Variants in PRKD1 observed in about 807,000 individuals in gnomAD.
PRKD1 encodes protein kinase D1.
PRKD1 carries 63 observed loss-of-function variants against 95.9 expected under a neutral mutation model. That is an observed-to-expected ratio of 0.66 (90% confidence interval 0.54 to 0.81). The LOEUF is 0.81. Among genes scored for constraint, PRKD1 ranks in the 30% least tolerant of loss-of-function variants. The probability of loss-of-function intolerance (pLI) is 0.00; values close to 1 mark genes in which losing one functional copy is unlikely to be tolerated. For missense variants in PRKD1, 1,048 were observed against 1,165.3 expected, an observed-to-expected ratio of 0.90 and a Z score of 1.47; for synonymous variants, 425 against 423.1, an observed-to-expected ratio of 1.00 and a Z score of -0.05.
chr14:29,679,948 GTAGA>G (rs1883445556), intron 2 of PRKD1, among the ~76,000 whole-genome samples: 1 of 152,038 alleles, frequency 6.6e-6, no homozygotes, highest in African/African-American at 2.4e-5. Flanking sequence ...AATTTCTTAG[GTAGA>G]AACACAGTGG....
intron 1 of PRKD1, among the ~76,000 whole-genome samples, chr14:29,830,271 C>A: frequency 6.6e-6 from 1 of 152,152 alleles, no homozygotes; most frequent in East Asian, 1.9e-4. Context: ...CAGTGTACTA[C>A]AAATTGTCCC....
At chr14:29,668,201 C>A (rs17115183) in intron 2 of PRKD1, among the ~76,000 whole-genome samples, 1 of 151,922 alleles carries the variant, frequency 6.6e-6, no homozygotes, top group Non-Finnish European at 1.5e-5. Flanking sequence ...ATGCATGCCA[C>A]CTCGCCTAAT....
At chr14:29,702,081 T>G (rs1594442070) in intron 2 of PRKD1, among the ~76,000 whole-genome samples, 1 of 152,184 alleles carries the variant, frequency 6.6e-6, no homozygotes, top group Non-Finnish European at 1.5e-5. Flanking sequence ...TCTAGAAATA[T>G]GGAATCGTCT....
chr14:29,705,972 G>T (rs1415278005), intron 2 of PRKD1, among the ~76,000 whole-genome samples: 3 of 151,904 alleles, frequency 2.0e-5, no homozygotes, highest in Admixed American at 6.6e-5. Context: ...AATTCTTTGG[G>T]GTATAAACCA....
intron 2 of PRKD1, among the ~76,000 whole-genome samples, chr14:29,666,808 T>C (rs769726910): frequency 9.2e-5 from 14 of 152,032 alleles, no homozygotes; most frequent in Non-Finnish European, 1.5e-4. Flanking sequence ...TTCACCAACA[T>C]GCCAAAGAGA....
chr14:29,710,233 A>G (rs750245158), intron 2 of PRKD1, among the ~76,000 whole-genome samples: 5 of 152,132 alleles, frequency 3.3e-5, no homozygotes, highest in Non-Finnish European at 7.4e-5. Flanking sequence ...TCTTCCCTGC[A>G]TTGAGGGTGA....
At chr14:29,759,809 G>A (rs541920420) in intron 1 of PRKD1, among the ~76,000 whole-genome samples, 1 of 152,262 alleles carries the variant, frequency 6.6e-6, no homozygotes, top group African/African-American at 2.4e-5. Flanking sequence ...ATCGTCAAAT[G>A]AAAACTCTCA....
At chr14:29,735,885 T>C (rs1271184794) in intron 1 of PRKD1, among the ~76,000 whole-genome samples, 2 of 152,174 alleles carry the variant, frequency 1.3e-5, no homozygotes, top group East Asian at 3.8e-4. Flanking sequence ...TATGTTTCTT[T>C]ATAAGGGTGG....
At chr14:29,639,640 T>TAAATA (rs199647132) in intron 4 of PRKD1, among the ~76,000 whole-genome samples, 38 of 147,886 alleles carry the variant, frequency 2.6e-4, no homozygotes, top group African/African-American at 8.0e-4. Flanking sequence ...AATAAATAAA[T>TAAATA]AATAAAAGAA....
At chr14:29,813,126 A>G (rs1350401353) in intron 1 of PRKD1, among the ~76,000 whole-genome samples, 2 of 152,132 alleles carry the variant, frequency 1.3e-5, no homozygotes, top group Non-Finnish European at 2.9e-5. Flanking sequence ...AACAACAACA[A>G]AAGACTTCTC....
chr14:29,797,496 T>A (rs1889867019), intron 1 of PRKD1, among the ~76,000 whole-genome samples: 1 of 152,236 alleles, frequency 6.6e-6, no homozygotes, highest in Non-Finnish European at 1.5e-5. Context: ...GTAAATATCA[T>A]CTGATCCTGC....
In PRKD1 at chr14:29,712,339, TC is replaced by T. The variant is rs45528738; in HGVS notation, c.403+13196del. Among the ~76,000 whole-genome samples the T allele has an allele frequency of 9.1e-3, 1,392 of 152,214 alleles. 20 individuals carry two copies. The highest frequency in any genetic ancestry group is 0.032 in the African/African-American group (1,341 of 41,536). ...CACAGCTCTACATGATCAGTTTTTC[TC>T]TGGATTAACAAGTTATAATGATCAG... On this transcript the variant is annotated intron_variant, in intron 2 of 17. Transcript: ENST00000331968.
chr14:29,581,718 G>A (rs1892761774), intron 16 of PRKD1, among the ~76,000 whole-genome samples: 1 of 152,238 alleles, frequency 6.6e-6, no homozygotes, highest in Admixed American at 6.5e-5. Context: ...GTGCTTGAAC[G>A]CAAGGATGTG....
intron 1 of PRKD1, among the ~76,000 whole-genome samples, chr14:29,846,168 T>C (rs1007192915): frequency 1.3e-4 from 20 of 152,210 alleles, no homozygotes; most frequent in Admixed American, 1.2e-3. Context: ...TTAGGCATTC[T>C]TCTAGGCCCT....
At position 29,721,061 on chromosome 14, in the gene PRKD1, G is replaced by T. The variant is rs1017120869; in HGVS notation, c.403+4475C>A. Among the ~76,000 whole-genome samples, 4 of 152,056 alleles carry T rather than the reference G, an allele frequency of 2.6e-5. No homozygotes were observed. In the South Asian group the frequency reaches 8.3e-4, roughly 32 times the overall value. ...CTCCTTCATCAACTACATCAAAATG[G>T]TTATTATGTTTGTTCACTTTTACTT... is the stretch of plus-strand genomic sequence containing the variant. On this transcript the variant is annotated intron_variant, in intron 2 of 17. Coordinates refer to ENST00000331968, the MANE Select transcript of PRKD1 (RefSeq NM_002742.3).
At chr14:29,840,050 C>T (rs1891770682) in intron 1 of PRKD1, among the ~76,000 whole-genome samples, 1 of 152,090 alleles carries the variant, frequency 6.6e-6, no homozygotes, top group African/African-American at 2.4e-5. Context: ...CTGCAGCCAC[C>T]TTGAATTTCT....
intron 4 of PRKD1, among the ~76,000 whole-genome samples, chr14:29,658,324 A>C (rs1882006987): frequency 6.6e-6 from 1 of 152,170 alleles, no homozygotes; most frequent in Admixed American, 6.5e-5. Context: ...CACAATATTA[A>C]TGCGTTTTAT....
At chr14:29,904,814 T>C (rs2139435250) in intron 1 of PRKD1, among the ~76,000 whole-genome samples, 1 of 152,258 alleles carries the variant, frequency 6.6e-6, no homozygotes, top group East Asian at 1.9e-4. Flanking sequence ...TTAATATTAT[T>C]CCCTGTTTAA....
chr14:29,647,458 G>A (rs1881198464), intron 4 of PRKD1, among the ~76,000 whole-genome samples: 1 of 152,190 alleles, frequency 6.6e-6, no homozygotes, highest in Non-Finnish European at 1.5e-5. Flanking sequence ...GGGACTTTAA[G>A]TGTCAGAAAG....
Sources: gnomAD v4.1 joint callset for allele counts (sites outside exome capture counted in the v4.1 genomes callset) on GRCh38, gnomAD v4.1.1 for gene constraint, MANE v1.5 for transcripts, NCBI Gene and HGNC (gene_info 2026-07-23, HGNC 2026-07-21) for gene names.